The following PROM1 variants were observed in gnomAD, a reference collection of about 807,000 sequenced individuals.
PROM1 encodes prominin 1, also known as prominin-1.
Under a neutral mutation model 116.9 loss-of-function variants are expected in PROM1, and 105 were observed. The observed-to-expected ratio is 0.90, with a 90% CI of 0.77 to 1.06. PROM1 has a LOEUF of 1.06. PROM1 is among the 50% of genes least tolerant of loss of function. The pLI is 0.00. For synonymous variants in PROM1, 393 were observed against 387.0 expected, an observed-to-expected ratio of 1.02 and a Z score of -0.18; for missense variants, 1,122 against 1,045.2, an observed-to-expected ratio of 1.07 and a Z score of -1.01.
chr4:16,037,471 AATT>A (rs1174370392), intron 3 of PROM1, among the ~76,000 whole-genome samples: 1 of 152,166 alleles, frequency 6.6e-6, no homozygotes, highest in Admixed American at 6.5e-5. Context: ...TCTTGAGTAT[AATT>A]TTCTTGCAAG....
chr4:16,070,481 T>A (rs1742560727), intron 2 of PROM1, among the ~76,000 whole-genome samples: 1 of 152,204 alleles, frequency 6.6e-6, no homozygotes, highest in South Asian at 2.1e-4. Context: ...AAAGTTTCAG[T>A]TTGATTACAT....
intron 22 of PROM1, among the ~76,000 whole-genome samples, chr4:15,985,268 G>C (rs1225695811): frequency 6.6e-6 from 1 of 152,076 alleles, no homozygotes; most frequent in African/African-American, 2.4e-5. Context: ...TTTATATAAG[G>C]GACTTGAGCA....
rs144854004 is a variant in PROM1, at chr4:16,053,269, G to C, written c.221-14268C>G. ...AGGTTTGAGGTTATTCAAAATAAAA[G>C]TCTGAAATGAAAAAAGTTGTTGGAC... On this transcript the variant is annotated intron_variant, in intron 2 of 27. Coordinates refer to ENST00000447510, the MANE Select transcript of PROM1 (RefSeq NM_006017.3). Among the ~76,000 whole-genome samples the C allele has an allele frequency of 3.5e-3, 526 of 152,300 alleles. 4 individuals are homozygous for C. The highest frequency in any genetic ancestry group is 0.012 in the African/African-American group (494 of 41,558).
At chr4:16,027,894 C>T (rs899173211) in intron 5 of PROM1, among the ~76,000 whole-genome samples, 1 of 152,210 alleles carries the variant, frequency 6.6e-6, no homozygotes, top group Non-Finnish European at 1.5e-5. Flanking sequence ...ACAAGATCAT[C>T]AGTCAGTGAA....
Position 16,009,125 on chromosome 4 carries a change from CT to C in PROM1, c.1142-18del, listed in dbSNP as rs1560473628. On this transcript the variant is annotated intron_variant, in intron 11 of 27. Transcript: ENST00000447510. ...TTTTGATACCTGAAAACAAAGATACCTTTGTTATGCATTTGCAAACATGGAG... is the reference window on the plus strand; with the variant it reads ...TTTTGATACCTGAAAACAAAGATACCTTGTTATGCATTTGCAAACATGGAG... The C allele has an allele frequency of 1.9e-6, 3 of 1,606,718 alleles. No individual in the cohort carries two copies. Among genetic ancestry groups the C allele is most frequent in the Non-Finnish European group, 1.7e-6 (2 of 1,175,956 alleles).
chr4:16,000,744 A>C, intron 13 of PROM1, 125 bp from the exon 14 acceptor site: 2 of 815,072 alleles, frequency 2.5e-6, no homozygotes, highest in Non-Finnish European at 3.5e-6. Flanking sequence ...CAGGTGAAAC[A>C]GATCATCCAC....
chr4:16,012,559 A>G (rs1341782751), intron 11 of PROM1, among the ~76,000 whole-genome samples: 4 of 152,172 alleles, frequency 2.6e-5, no homozygotes, highest in Non-Finnish European at 5.9e-5. Context: ...AAATTCTTTT[A>G]CACAGTATTC....
chr4:15,994,012 A>G lies in PROM1; in HGVS notation c.1742T>C (p.Ile581Thr). The G allele has an allele frequency of 6.2e-7, 1 of 1,613,918 alleles. No homozygotes were observed. The highest frequency in any genetic ancestry group is 2.2e-5 in the East Asian group (1 of 44,886). Residue 581 changes from isoleucine to threonine, a missense_variant, in exon 16 of 28, where the codon ATC becomes ACC. Physicochemically the swap from Ile to Thr is moderately conservative, Grantham distance 89 (BLOSUM62 -1). Transcript: ENST00000447510. ...GTLHLQNSFN[I>T]SEHLNINEHT... is the part of the protein sequence containing the mutation. ...CTCATTAATGTTGAGATGTTCACTG[A>G]TATTGAAGCTGTTCTGCAGGTGAAG...
Position 16,075,722 on chromosome 4 carries a change from A to G in PROM1, c.185T>C (p.Phe62Ser), listed in dbSNP as rs1393996250. ...IGILFELVHI[F>S]LYVVQPRDFP... is the part of the protein sequence containing the mutation. ...ATCACGCGGCTGTACCACATAGAGA[A>G]AGATATGCACTAGTTCAAAGAGAAT... Residue 62 changes from phenylalanine to serine, a missense_variant, in exon 2 of 28, where the codon TTT becomes TCT. Transcript: ENST00000447510. 1 of 1,613,584 alleles carries G rather than the reference A, an allele frequency of 6.2e-7. No individual in the cohort carries two copies. The highest frequency in any genetic ancestry group is 1.1e-5 in the South Asian group (1 of 90,910).
At position 16,000,511 on chromosome 4, in the gene PROM1, G is replaced by T. The variant is rs919737536; in HGVS notation, c.1563C>A (p.Ser521Arg). Reference sequence around the variant, plus strand: ...TCATATTTACCCGGAATAATTCCTTGCTCGTGTAAGGTTCACAGATCAGTT... The same window carrying T: ...TCATATTTACCCGGAATAATTCCTTTCTCGTGTAAGGTTCACAGATCAGTT... ...VEKLICEPYTSKELFRVLDTP... is the reference protein window; with the variant it reads ...VEKLICEPYTRKELFRVLDTP... Residue 521 changes from serine to arginine, a missense_variant, in exon 14 of 28, where the codon AGC becomes AGA. By Grantham distance (110) the Ser-to-Arg change is moderately radical. Transcript: ENST00000447510. The T allele has an allele frequency of 6.3e-7, 1 of 1,590,844 alleles. No individual in the cohort carries two copies. The highest frequency in any genetic ancestry group is 1.7e-5 in the Admixed American group (1 of 59,612).
chr4:16,081,211 C>A (rs1744984308), intron 1 of PROM1, among the ~76,000 whole-genome samples: 2 of 152,040 alleles, frequency 1.3e-5, no homozygotes, highest in East Asian at 1.9e-4. Flanking sequence ...TATCCCTCCC[C>A]ACTCCCGCCA....
At chr4:16,076,145 G>C in intron 1 of PROM1, 27 bp from the exon 2 acceptor site, 1 of 741,750 alleles carries the variant, frequency 1.3e-6, no homozygotes, top group Non-Finnish European at 2.0e-6. Flanking sequence ...CAGCAGCAGA[G>C]TCATCAATGC....
chr4:16,056,072 G>C (rs538115530), intron 2 of PROM1, among the ~76,000 whole-genome samples: 35 of 152,186 alleles, frequency 2.3e-4, no homozygotes, highest in African/African-American at 7.7e-4. Flanking sequence ...TGCAAGCAGG[G>C]GGTTAGGAAA....
At chr4:16,038,881 C>A in intron 3 of PROM1, 65 bp downstream of exon 3, 1 of 1,407,988 alleles carries the variant, frequency 7.1e-7, no homozygotes, top group Non-Finnish European at 9.3e-7. Flanking sequence ...GATTTACTTT[C>A]AAGTCAGCCA....
intron 18 of PROM1, 50 bp from the exon 19 acceptor site, chr4:15,989,874 A>T (rs999340623): frequency 7.0e-7 from 1 of 1,432,986 alleles, no homozygotes; most frequent in African/African-American, 1.4e-5. Flanking sequence ...CCAGACTCAA[A>T]GCACTCTCGC....
At chr4:16,005,922 C>CAGGTTTTT (rs1174773017) in intron 13 of PROM1, among the ~76,000 whole-genome samples, 1 of 152,194 alleles carries the variant, frequency 6.6e-6, no homozygotes, top group African/African-American at 2.4e-5. Context: ...CATAGAGTCA[C>CAGGTTTTT]AGGTTTTTCA....
At chr4:16,048,927 CG>C (rs1737195179) in intron 2 of PROM1, among the ~76,000 whole-genome samples, 2 of 152,100 alleles carry the variant, frequency 1.3e-5, no homozygotes, top group Admixed American at 1.3e-4. Context: ...TTAGAGGAAG[CG>C]AGTACTCAGG....
intron 19 of PROM1, among the ~76,000 whole-genome samples, chr4:15,988,950 C>T (rs756342547): frequency 6.6e-6 from 1 of 152,076 alleles, no homozygotes; most frequent in Non-Finnish European, 1.5e-5. Context: ...ACTTGCTTGT[C>T]CAAACCTGAG....
intron 9 of PROM1, among the ~76,000 whole-genome samples, chr4:16,017,163 T>C (rs544538206): frequency 1.6e-4 from 25 of 152,310 alleles, no homozygotes; most frequent in South Asian, 1.4e-3. Context: ...AAGAACAAAA[T>C]GCATATTATT....
Sources: allele counts gnomAD v4.1 joint callset (sites outside exome capture counted in the v4.1 genomes callset), GRCh38; gene constraint gnomAD v4.1.1; transcripts MANE v1.5; gene names NCBI Gene and HGNC (gene_info 2026-07-23, HGNC 2026-07-21).